NRCAM: variants seen among roughly 807,000 people sequenced by gnomAD.
NRCAM encodes neuronal cell adhesion molecule.
In NRCAM, 83 loss-of-function variants were observed where a neutral mutation model predicts 156.5. The observed-to-expected ratio is 0.53, with a 90% confidence interval of 0.44 to 0.64. The LOEUF (loss-of-function observed/expected upper bound fraction) is 0.64. Ranked by LOEUF, NRCAM falls within the 30% of genes least tolerant of loss-of-function variation. The pLI is 0.00. For missense variants in NRCAM, 1,417 were observed against 1,597.3 expected (o/e 0.89, Z 1.92); for synonymous variants, 538 against 563.9 (o/e 0.95, Z 0.65).
At chr7:108,226,530 T>TAA (rs3078782) in intron 8 of NRCAM, 152 bp from the exon 9 acceptor site, 97 of 394,468 alleles carry the variant, frequency 2.5e-4, no homozygotes, top group South Asian at 3.2e-4. Context: ...CAAATAACTG[T>TAA]AAAAAAAAAA....
At position 108,226,355 on chromosome 7, in the gene NRCAM, C is replaced by T. The variant is rs1262950670; in HGVS notation, c.574G>A (p.Glu192Lys). Residue 192 changes from glutamate to lysine, a missense_variant, in exon 9 of 33, where the codon GAG becomes AAG. Physicochemically the swap from Glu to Lys is moderately conservative, Grantham distance 56. This residue lies in a region of NRCAM where 1,238 missense variants were observed against 1,336.4 expected (regional missense o/e 0.93). Transcript: ENST00000379028. ...DNSFQRLPQS[E>K]RVSQGLNGDL... is the part of the protein sequence containing the mutation. ...CCATTCAAACCTTGAGAAACTCTCT[C>T]ACTTTGTGGAAGTCTTTGAAAGGCT... 1.2e-6 allele frequency: 2 copies of T among 1,612,882 alleles called. No individual in the cohort carries two copies. Among genetic ancestry groups the T allele is most frequent in the Admixed American group, 3.3e-5 (2 of 59,928 alleles).
chr7:108,431,868 A>G (rs915037737), intron 1 of NRCAM, among the ~76,000 whole-genome samples: 2 of 152,262 alleles, frequency 1.3e-5, no homozygotes, highest in Non-Finnish European at 2.9e-5. Flanking sequence ...AGTTAGTTTT[A>G]AAAGATTTAT....
intron 31 of NRCAM, 111 bp from the exon 32 acceptor site, chr7:108,159,652 A>T: frequency 1.3e-6 from 1 of 770,204 alleles, no homozygotes; most frequent in South Asian, 1.6e-5. Flanking sequence ...TCCATACACA[A>T]GTAGATGTTG....
intron 3 of NRCAM, among the ~76,000 whole-genome samples, chr7:108,296,380 T>C (rs2098454507): frequency 6.6e-6 from 1 of 152,180 alleles, no homozygotes; most frequent in Non-Finnish European, 1.5e-5. Flanking sequence ...TACTTATGGA[T>C]GAAACCTCAG....
Position 108,202,668 on chromosome 7 carries a change from C to G in NRCAM, c.1208-4569G>C, listed in dbSNP as rs549069676. Among the ~76,000 whole-genome samples the G allele has an allele frequency of 4.6e-5, 7 of 152,304 alleles. No individual in the cohort carries two copies. The South Asian group carries it at 1.5e-3, about 32-fold the overall frequency. ...TGTGAAAAGGAAGAAGGGAGGATGC[C>G]TTGATGAAATCCCAGGAATATCCTG... On this transcript the variant is annotated intron_variant, in intron 13 of 32. Coordinates refer to ENST00000379028, the MANE Select transcript of NRCAM (RefSeq NM_001037132.4).
rs115075269 is a variant in NRCAM, at chr7:108,370,660, T to G, written c.-174+28776A>C. Among the ~76,000 whole-genome samples the G allele has an allele frequency of 5.9e-3, 891 of 152,240 alleles. 8 individuals carry two copies. Among genetic ancestry groups the G allele is most frequent in the African/African-American group, 0.02 (849 of 41,564 alleles). On this transcript the variant is annotated intron_variant, in intron 2 of 32. Transcript: ENST00000379028. ...TAATATTATAATAAATAACTTGTTT[T>G]GTGTGCTCCAAAGTAGCAGTAAAAG...
chr7:108,328,789 C>T (rs903125819), intron 2 of NRCAM: 1 of 152,184 alleles, frequency 6.6e-6, no homozygotes, highest in Non-Finnish European at 1.5e-5. Context: ...CATATTTTCA[C>T]CTATGAGGGG....
intron 1 of NRCAM, among the ~76,000 whole-genome samples, chr7:108,407,941 G>T (rs1790482974): frequency 6.6e-6 from 1 of 152,164 alleles, no homozygotes; most frequent in African/African-American, 2.4e-5. Context: ...TTGGTCTTGG[G>T]TAGGACTCTC....
intron 1 of NRCAM, among the ~76,000 whole-genome samples, chr7:108,405,930 G>A (rs941049236): frequency 3.3e-5 from 5 of 151,074 alleles, no homozygotes; most frequent in African/African-American, 1.2e-4. Context: ...ACCAGCCTGG[G>A]CAACATAGTG....
chr7:108,173,907 C>T (rs1025329778), intron 28 of NRCAM, among the ~76,000 whole-genome samples: 5 of 152,112 alleles, frequency 3.3e-5, no homozygotes, highest in African/African-American at 7.2e-5. Flanking sequence ...CTACTTCTAA[C>T]GTGACAAGTC....
intron 1 of NRCAM, among the ~76,000 whole-genome samples, chr7:108,435,715 A>G (rs1417973165): frequency 1.3e-5 from 2 of 152,214 alleles, no homozygotes; most frequent in Non-Finnish European, 2.9e-5. Flanking sequence ...TCACCTATAT[A>G]ATAAACCTGC....
intron 3 of NRCAM, among the ~76,000 whole-genome samples, chr7:108,271,695 A>G (rs1268031265): frequency 6.8e-6 from 1 of 146,100 alleles, no homozygotes; most frequent in Non-Finnish European, 1.5e-5. Flanking sequence ...CTCCACGTCA[A>G]AAAAAAAAAA....
At chr7:108,418,628 A>G (rs981014817) in intron 1 of NRCAM, among the ~76,000 whole-genome samples, 2 of 151,896 alleles carry the variant, frequency 1.3e-5, no homozygotes, top group African/African-American at 4.8e-5. Context: ...CACTAAGTAT[A>G]TATATATTCA....
In NRCAM at chr7:108,181,912, C is replaced by A. The variant is rs887805591; in HGVS notation, c.2556G>T (p.Val852=). Residue 852 remains valine, a synonymous_variant, in exon 24 of 33, where the codon GTG becomes GTT. Coordinates refer to ENST00000379028, the MANE Select transcript of NRCAM (RefSeq NM_001037132.4). ...EDLPMVAPGN[V]RVNVVNSTLA... The stretch of plus-strand genomic sequence containing the variant: ...AGGTACTGTTCACCACATTCACACG[C>A]ACGTTCCCAGGAGCCACCATTGGGA... 1.2e-6 allele frequency: 2 copies of A among 1,613,952 alleles called. No individual in the cohort carries two copies. The highest frequency in any genetic ancestry group is 2.7e-5 in the African/African-American group (2 of 74,902).
intron 2 of NRCAM, among the ~76,000 whole-genome samples, chr7:108,360,240 G>A (rs768202703): frequency 7.2e-5 from 11 of 152,002 alleles, no homozygotes; most frequent in Non-Finnish European, 1.6e-4. Flanking sequence ...AAGGAGAAGT[G>A]AGAAGGGAAA....
intron 3 of NRCAM, among the ~76,000 whole-genome samples, chr7:108,276,494 T>C (rs1272685359): frequency 6.6e-6 from 1 of 152,148 alleles, no homozygotes; most frequent in African/African-American, 2.4e-5. Context: ...GTAATGGCCT[T>C]CTTTGTCTCT....
At chr7:108,242,258 C>CAAAAAAAAAAAAAAAA (rs11413420) in intron 3 of NRCAM, among the ~76,000 whole-genome samples, 1 of 98,528 alleles carries the variant, frequency 1.0e-5, no homozygotes, top group Non-Finnish European at 1.9e-5. Context: ...GACCCCGTCT[C>CAAAAAAAAAAAAAAAA]AAAAAAAAAA....
intron 1 of NRCAM, among the ~76,000 whole-genome samples, chr7:108,408,879 T>C (rs1311170852): frequency 6.6e-6 from 1 of 152,154 alleles, no homozygotes; most frequent in Non-Finnish European, 1.5e-5. Flanking sequence ...GGGATGACTG[T>C]AGAGGCGGGG....
At chr7:108,422,393 A>G (rs1364832037) in intron 1 of NRCAM, among the ~76,000 whole-genome samples, 2 of 152,130 alleles carry the variant, frequency 1.3e-5, no homozygotes, top group African/African-American at 4.8e-5. Context: ...AAACAATGCC[A>G]AAGAAACTAA....
Sources: allele counts gnomAD v4.1 joint callset (sites outside exome capture counted in the v4.1 genomes callset), GRCh38; gene constraint gnomAD v4.1.1; regional missense constraint gnomAD v4.1.1; transcripts MANE v1.5; gene names NCBI Gene and HGNC (gene_info 2026-07-23, HGNC 2026-07-21).